TCEA2: variants seen among roughly 807,000 people sequenced by gnomAD.
TCEA2 encodes transcription elongation factor A2.
A neutral mutation model predicts 40.8 loss-of-function variants in TCEA2; 21 were observed. That is an observed-to-expected ratio of 0.51 (90% CI 0.36 to 0.74). TCEA2 has a LOEUF of 0.74. TCEA2 is among the 30% of genes least tolerant of loss of function. The probability of loss-of-function intolerance (pLI) is 0.00; values close to 1 mark genes in which losing one functional copy is unlikely to be tolerated. For synonymous variants in TCEA2, 165 were observed against 162.7 expected, an observed-to-expected ratio of 1.01 and a Z score of -0.11; for missense variants, 326 against 426.5, an observed-to-expected ratio of 0.76 and a Z score of 2.08.
chr20:64,067,096 G>A (rs1268475636), intron 3 of TCEA2, 76 bp downstream of exon 3: 3 of 1,416,780 alleles, frequency 2.1e-6, no homozygotes, highest in Non-Finnish European at 2.9e-6. Flanking sequence ...TCAGCACAGT[G>A]TAGAGTGCTG....
chr20:64,062,566 C>T (rs2059587142), upstream of TCEA2: 1 of 152,286 alleles, frequency 6.6e-6, no homozygotes, highest in Non-Finnish European at 1.5e-5. Flanking sequence ...TGGTAGCTGA[C>T]TTTGCAGGCA....
chr20:64,058,628 C>T (rs1440531930), upstream of TCEA2, among the ~76,000 whole-genome samples: 8 of 152,218 alleles, frequency 5.3e-5, no homozygotes, highest in South Asian at 2.1e-4. The surrounding 1 kb of genome is among the most constrained non-coding windows in gnomAD (Gnocchi z 6.7). Context: ...GTGGAATTCA[C>T]GGGGTCATAA....
chr20:64,068,202 T>C, intron 4 of TCEA2, 68 bp downstream of exon 4: 1 of 1,399,026 alleles, frequency 7.1e-7, no homozygotes. Flanking sequence ...AGAGAAAGGG[T>C]GCCAGTCTCC....
chr20:64,063,338 C>T lies in TCEA2; in HGVS notation c.26C>T (p.Ala9Val). 1.3e-6 allele frequency: 2 copies of T among 1,549,320 alleles called. No individual in the cohort carries two copies. Among genetic ancestry groups the T allele is most frequent in the Non-Finnish European group, 1.7e-6 (2 of 1,147,198 alleles). MMGKEEEI[A>V]RIARRLDKMV... is the part of the protein sequence containing the mutation. ...ATGATGGGCAAGGAAGAGGAGATTG[C>T]GCGGATCGCCCGGAGGCTGGACAAG... The change falls in exon 1 of 10, where the codon GCG (alanine) becomes GTG (valine). Residue 9 changes from alanine (A) to valine (V), a missense_variant. Ala to Val is a moderately conservative substitution (Grantham distance 64, BLOSUM62 0). Transcript: ENST00000343484.
rs1341765754 is a variant in TCEA2 at position 64,069,895 on chromosome 20, G to T, written c.517+74G>T. The T allele has an allele frequency of 1.7e-5, 26 of 1,562,960 alleles. No homozygotes were observed. In the Admixed American group the frequency reaches 4.4e-4, roughly 26 times the overall value. On this transcript the variant is annotated intron_variant, in intron 6 of 9. Transcript: ENST00000343484. Reference sequence around the variant, plus strand: ...AGGCTGCCTGGCCTGGTGCCCTCTGGTGGCTGCTGGATGCCACTGCCCAGC... The same window carrying T: ...AGGCTGCCTGGCCTGGTGCCCTCTGTTGGCTGCTGGATGCCACTGCCCAGC...
upstream of TCEA2, chr20:64,063,182 C>CG (rs1040823843): frequency 2.4e-5 from 19 of 789,412 alleles, no homozygotes; most frequent in Admixed American, 1.9e-4. Context: ...GGGTTTGAAC[C>CG]GGGGGTCTGT....
chr20:64,063,373 A>C lies in TCEA2; in HGVS notation c.61A>C (p.Lys21Gln). 1 of 1,547,990 alleles carries C rather than the reference A, an allele frequency of 6.5e-7. No individual in the cohort carries two copies. The highest frequency in any genetic ancestry group is 1.4e-5 in the African/African-American group (1 of 73,092). The stretch of plus-strand genomic sequence containing the variant: ...CCGGAGGCTGGACAAGATGGTGACC[A>C]AGAAGAGCGCGGTGAGGGGCGCGGG... ...IARRLDKMVT[K>Q]KSAEGAMDLL... The change falls in exon 1 of 10, where the codon AAG becomes CAG. Residue 21 changes from lysine to glutamine, a missense_variant. Transcript: ENST00000343484.
chr20:64,056,407 T>C (rs553265154), upstream of TCEA2, among the ~76,000 whole-genome samples: 1 of 151,904 alleles, frequency 6.6e-6, no homozygotes, highest in East Asian at 1.9e-4. Context: ...GAGGCCTGGG[T>C]GGGGTCCACT....
intron 3 of TCEA2, among the ~76,000 whole-genome samples, chr20:64,067,724 C>G (rs1170115266): frequency 6.6e-6 from 1 of 152,218 alleles, no homozygotes; most frequent in Non-Finnish European, 1.5e-5. Context: ...TGCTTGGTCT[C>G]TCTGGCCAGG....
At chr20:64,069,230 A>C in intron 4 of TCEA2, 131 bp from the exon 5 acceptor site, 1 of 1,354,524 alleles carries the variant, frequency 7.4e-7, no homozygotes, top group Non-Finnish European at 9.9e-7. Context: ...CCACTGTTGG[A>C]CTCTGGCAGA....
upstream of TCEA2, chr20:64,062,681 G>A (rs1294556453): frequency 2.0e-5 from 3 of 152,358 alleles, no homozygotes; most frequent in East Asian, 5.8e-4. Flanking sequence ...CACACCTGCA[G>A]GGCCCCACAA....
At chr20:64,066,648 T>C in intron 2 of TCEA2, 110 bp downstream of exon 2, 1 of 1,248,228 alleles carries the variant, frequency 8.0e-7, no homozygotes, top group South Asian at 1.3e-5. Flanking sequence ...CAGGCCTTAG[T>C]TGGCACAAAT....
At chr20:64,069,631 G>A (rs1477617636) in intron 5 of TCEA2, 134 bp from the exon 6 acceptor site, 5 of 1,531,628 alleles carry the variant, frequency 3.3e-6, no homozygotes, top group Non-Finnish European at 4.4e-6. Context: ...CAGGGGCTAG[G>A]GGCCTGTGCC....
Position 64,069,779 on chromosome 20 carries a change from A to G in TCEA2, c.475A>G (p.Ile159Val), listed in dbSNP as rs1157511799. ...ALQTDHDHVA[I>V]GADCERLSAQ... ...CCCTCTTGCAGATGACCACGTGGCC[A>G]TCGGTGCGGACTGCGAGCGCCTGTC... is the stretch of plus-strand genomic sequence containing the variant. The change falls in exon 6 of 10, where the codon ATC becomes GTC. Residue 159 changes from isoleucine to valine, a missense_variant. Coordinates refer to ENST00000343484, the MANE Select transcript of TCEA2 (RefSeq NM_003195.6). 6.2e-7 allele frequency: 1 copy of G among 1,612,462 alleles called. No homozygotes were observed.
Position 64,072,161 on chromosome 20 carries a change from C to CTT in TCEA2, c.892-9_892-8dup. The CTT allele has an allele frequency of 6.2e-7, 1 of 1,613,676 alleles. No individual in the cohort carries two copies. Among genetic ancestry groups the CTT allele is most frequent in the Non-Finnish European group, 8.5e-7 (1 of 1,179,790 alleles). On this transcript the variant is annotated splice_polypyrimidine_tract_variant and intron_variant, in intron 9 of 9. Transcript: ENST00000343484. ...GCCACAAGGCTGGAGGCCTCACCCC[C>CTT]TTTCTCGCAGTTCTGCTGACCCCTC...
rs765003934 is a variant in TCEA2 at position 64,069,388 on chromosome 20, A to G, written c.357A>G (p.Ala119=). ...PSRKRPELPR[A]PSTPRITTFP... The stretch of plus-strand genomic sequence containing the variant: ...GCAAGAGGCCGGAGCTGCCCAGGGC[A>G]CCGTCGACTCCGAGGATCACCACAT... The change falls in exon 5 of 10, where the codon GCA becomes GCG. Residue 119 remains alanine (A), a synonymous_variant. Transcript: ENST00000343484. The G allele has an allele frequency of 6.2e-7, 1 of 1,603,824 alleles. No homozygotes were observed. Among genetic ancestry groups the G allele is most frequent in the Non-Finnish European group, 8.5e-7 (1 of 1,175,442 alleles).
In TCEA2 at chr20:64,063,889, C is replaced by G. The variant is rs6122242; in HGVS notation, c.72+505C>G. 3.5e-3 allele frequency: 552 copies of G among 156,424 alleles called. 22 individuals carry two copies. In the East Asian group the frequency reaches 0.077, roughly 22 times the overall value. The allele number at this position is 156,424 out of a possible 1,614,324, so 9.7% of individuals were successfully genotyped here. Reference sequence around the variant, plus strand: ...GCCCTCTCCCACGCTCCGTCTCTTACAGCGTTTGTCACCCTCCGTCTCCCA... The same window carrying G: ...GCCCTCTCCCACGCTCCGTCTCTTAGAGCGTTTGTCACCCTCCGTCTCCCA... On this transcript the variant is annotated intron_variant, in intron 1 of 9. Coordinates refer to ENST00000343484, the MANE Select transcript of TCEA2 (RefSeq NM_003195.6).
At chr20:64,060,475 C>T (rs1157545704), upstream of TCEA2, among the ~76,000 whole-genome samples, 1 of 152,182 alleles carries the variant, frequency 6.6e-6, no homozygotes, top group Non-Finnish European at 1.5e-5. Context: ...TCTACAGGAC[C>T]CTGACCAGCT....
intron 1 of TCEA2, among the ~76,000 whole-genome samples, chr20:64,064,937 G>A (rs1206645180): frequency 6.6e-6 from 1 of 151,680 alleles, no homozygotes; most frequent in Non-Finnish European, 1.5e-5. Context: ...AGCAAAGATG[G>A]GTCATGGAGC....
Sources: allele counts gnomAD v4.1 joint callset (sites outside exome capture counted in the v4.1 genomes callset), GRCh38; gene constraint gnomAD v4.1.1; non-coding constraint Gnocchi (gnomAD v3.1); transcripts MANE v1.5; gene names NCBI Gene and HGNC (gene_info 2026-07-23, HGNC 2026-07-21).